DLC1: variants seen among roughly 807,000 people sequenced by gnomAD.
DLC1 encodes rho GTPase-activating protein 7.
In DLC1, 54 loss-of-function variants were observed where a neutral mutation model predicts 140.3. The observed-to-expected ratio is 0.38, with a 90% CI of 0.31 to 0.48. The LOEUF (loss-of-function observed/expected upper bound fraction) is 0.48, where lower values mean the gene tolerates loss of function less well. DLC1 is among the 20% of genes least tolerant of loss of function. The pLI, the probability that DLC1 is intolerant of heterozygous loss-of-function variation, is 0.96. For synonymous variants in DLC1, 986 were observed against 728.1 expected, an observed-to-expected ratio of 1.35 and a Z score of -5.70; for missense variants, 2,536 against 1,907.0, an observed-to-expected ratio of 1.33 and a Z score of -6.14.
chr8:13,572,110 G>C (rs1278788628), intron 1 of DLC1, among the ~76,000 whole-genome samples: 2 of 116,716 alleles, frequency 1.7e-5, no homozygotes, highest in Non-Finnish European at 3.6e-5. Context: ...TTTTTTTTGA[G>C]ATGGAGTCTC....
intron 2 of DLC1, among the ~76,000 whole-genome samples, chr8:13,446,920 T>A (rs1798800979): frequency 6.9e-6 from 1 of 144,574 alleles, no homozygotes; most frequent in South Asian, 2.2e-4. Context: ...TCAGCCTGGG[T>A]AACAAAAGTG....
At chr8:13,103,025 C>A (rs538798316) in intron 7 of DLC1, among the ~76,000 whole-genome samples, 172 bp from the exon 8 acceptor site, 100 of 152,250 alleles carry the variant, frequency 6.6e-4, no homozygotes, top group Middle Eastern at 3.4e-3. Flanking sequence ...TTTAAAAATA[C>A]CTTGGCCGGG....
At chr8:13,578,566 T>C (rs1329669957) in intron 1 of DLC1, among the ~76,000 whole-genome samples, 1 of 151,960 alleles carries the variant, frequency 6.6e-6, no homozygotes, top group Non-Finnish European at 1.5e-5. Flanking sequence ...TAACAGGTTG[T>C]CATCTACACT....
chr8:13,190,469 G>A (rs1471633226), intron 5 of DLC1, among the ~76,000 whole-genome samples: 1 of 151,992 alleles, frequency 6.6e-6, no homozygotes. Flanking sequence ...CTCTCTTTCT[G>A]GACCTTGGAA....
intron 2 of DLC1, among the ~76,000 whole-genome samples, chr8:13,408,741 G>A (rs1002741363): frequency 1.4e-4 from 21 of 152,146 alleles, no homozygotes; most frequent in African/African-American, 5.1e-4. Context: ...GAGCTGATAT[G>A]TATTCCATAC....
chr8:13,452,243 G>A (rs1799099459), intron 2 of DLC1, among the ~76,000 whole-genome samples: 1 of 151,544 alleles, frequency 6.6e-6, no homozygotes, highest in Non-Finnish European at 1.5e-5. Context: ...AAATAAACAT[G>A]TATAAAAACT....
chr8:13,351,739 G>A (rs1026038731), intron 4 of DLC1, among the ~76,000 whole-genome samples: 1 of 152,266 alleles, frequency 6.6e-6, no homozygotes, highest in African/African-American at 2.4e-5. Context: ...TATAGAAAAA[G>A]TCTGCCAAGT....
At chr8:13,299,849 C>G (rs953869442) in intron 5 of DLC1, among the ~76,000 whole-genome samples, 1 of 152,052 alleles carries the variant, frequency 6.6e-6, no homozygotes, top group Admixed American at 6.5e-5. Context: ...AACAGTGACT[C>G]CCAGAAGCTG....
intron 7 of DLC1, among the ~76,000 whole-genome samples, chr8:13,108,966 G>A (rs1457208763): frequency 1.3e-5 from 2 of 152,076 alleles, no homozygotes; most frequent in Non-Finnish European, 2.9e-5. Context: ...TCAGAAAATG[G>A]GTACACACCC....
chr8:13,377,098 G>T (rs1310295385), intron 4 of DLC1, among the ~76,000 whole-genome samples: 2 of 152,186 alleles, frequency 1.3e-5, no homozygotes, highest in Admixed American at 6.5e-5. Flanking sequence ...GTTGAGAACA[G>T]TGTGTTTCAG....
At chr8:13,206,617 T>A (rs1827675153) in intron 5 of DLC1, among the ~76,000 whole-genome samples, 1 of 152,162 alleles carries the variant, frequency 6.6e-6, no homozygotes, top group Non-Finnish European at 1.5e-5. Context: ...TTTATGGAGA[T>A]AACATTGCAA....
At chr8:13,213,246 C>T (rs1386817033) in intron 5 of DLC1, among the ~76,000 whole-genome samples, 2 of 152,144 alleles carry the variant, frequency 1.3e-5, no homozygotes, top group Non-Finnish European at 2.9e-5. Context: ...ACTACACAGA[C>T]GTGTACATAT....
At chr8:13,089,130 G>C (rs887385968) in intron 15 of DLC1, among the ~76,000 whole-genome samples, 8 of 151,874 alleles carry the variant, frequency 5.3e-5, no homozygotes, top group African/African-American at 1.9e-4. Context: ...GTGGTGGCAG[G>C]CACCTGTAAG....
chr8:13,160,761 T>C (rs1436674503), intron 5 of DLC1, among the ~76,000 whole-genome samples: 2 of 151,998 alleles, frequency 1.3e-5, no homozygotes, highest in Non-Finnish European at 2.9e-5. Context: ...GAAACTACCA[T>C]ATGAAAGAGG....
intron 5 of DLC1, among the ~76,000 whole-genome samples, chr8:13,172,695 T>C (rs1359018315): frequency 6.6e-6 from 1 of 152,212 alleles, no homozygotes; most frequent in Non-Finnish European, 1.5e-5. Context: ...TAGATTTGTG[T>C]GGTTGTTTCT....
intron 4 of DLC1, among the ~76,000 whole-genome samples, chr8:13,318,442 A>G (rs186057542): frequency 1.3e-5 from 2 of 152,214 alleles, no homozygotes; most frequent in Admixed American, 6.5e-5. Context: ...CCAAGATCTC[A>G]CCATTAGTAA....
chr8:13,174,841 G>C (rs575410804), intron 5 of DLC1, among the ~76,000 whole-genome samples: 30 of 151,676 alleles, frequency 2.0e-4, no homozygotes, highest in Non-Finnish European at 3.8e-4. Flanking sequence ...TTTTTTTGCT[G>C]TGCAGAAGTT....
intron 5 of DLC1, chr8:13,214,865 A>C: frequency 1.4e-6 from 1 of 720,236 alleles, no homozygotes; most frequent in South Asian, 1.6e-5. Flanking sequence ...GATGGGTCTC[A>C]TGACAGGGCT....
intron 1 of DLC1, among the ~76,000 whole-genome samples, chr8:13,585,755 C>T (rs765963373): frequency 3.9e-5 from 6 of 152,122 alleles, no homozygotes; most frequent in Non-Finnish European, 8.8e-5. Context: ...TCTTCTTTCA[C>T]ATTCATATTT....
Sources: gnomAD v4.1 joint callset for allele counts (sites outside exome capture counted in the v4.1 genomes callset) on GRCh38, gnomAD v4.1.1 for gene constraint, MANE v1.5 for transcripts, NCBI Gene and HGNC (gene_info 2026-07-23, HGNC 2026-07-21) for gene names.